The following PRKN variants were observed in gnomAD, a reference collection of about 807,000 sequenced individuals.
PRKN encodes the protein E3 ubiquitin-protein ligase parkin.
PRKN carries 56 observed loss-of-function variants against 59.5 expected under a neutral mutation model. The observed-to-expected ratio is 0.94, with a 90% CI of 0.76 to 1.18. PRKN has a LOEUF of 1.18. Ranked by LOEUF, PRKN falls within the 50% of genes most tolerant of loss-of-function variation. The pLI is 0.00. For synonymous variants in PRKN, 250 were observed against 222.1 expected (o/e 1.13, Z -1.12); for missense variants, 657 against 596.4 (o/e 1.10, Z -1.06).
intron 1 of PRKN, among the ~76,000 whole-genome samples, chr6:162,462,223 T>C (rs1043594275): frequency 5.3e-5 from 8 of 152,200 alleles, no homozygotes; most frequent in Admixed American, 2.0e-4. Flanking sequence ...AAAAATATCC[T>C]GGCTATCACA....
intron 2 of PRKN, among the ~76,000 whole-genome samples, chr6:162,325,972 T>C (rs1783254433): frequency 6.6e-6 from 1 of 152,114 alleles, no homozygotes; most frequent in Non-Finnish European, 1.5e-5. Flanking sequence ...GCACACATAA[T>C]AGCCAATCAG....
chr6:162,018,950 A>G (rs2128274289), intron 5 of PRKN, among the ~76,000 whole-genome samples: 1 of 152,322 alleles, frequency 6.6e-6, no homozygotes, highest in African/African-American at 2.4e-5. Context: ...ATATCACATC[A>G]TTCTTTGCCT....
chr6:161,789,972 G>A (rs1790574819), intron 6 of PRKN, among the ~76,000 whole-genome samples: 1 of 152,096 alleles, frequency 6.6e-6, no homozygotes, highest in Non-Finnish European at 1.5e-5. Flanking sequence ...AAATGCATGT[G>A]GACTACAGCA....
chr6:161,943,594 C>G (rs1779645928), intron 6 of PRKN, among the ~76,000 whole-genome samples: 1 of 152,190 alleles, frequency 6.6e-6, no homozygotes, highest in Non-Finnish European at 1.5e-5. Flanking sequence ...TTTGCATTTT[C>G]CCAGCAGCCT....
intron 7 of PRKN, among the ~76,000 whole-genome samples, chr6:161,721,054 G>T (rs1469629857): frequency 6.6e-6 from 1 of 152,200 alleles, no homozygotes; most frequent in Non-Finnish European, 1.5e-5. Flanking sequence ...ATATGAATAA[G>T]ATGAAGGTGC....
chr6:162,679,109 T>TATTTATTTATGA (rs780065550), intron 1 of PRKN, among the ~76,000 whole-genome samples: 58 of 148,518 alleles, frequency 3.9e-4, no homozygotes, highest in East Asian at 1.2e-3. Context: ...TTTATTTATT[T>TATTTATTTATGA]ATGAATGAAT....
chr6:162,360,519 C>T (rs574014145), intron 2 of PRKN, among the ~76,000 whole-genome samples: 2 of 152,236 alleles, frequency 1.3e-5, no homozygotes, highest in East Asian at 3.9e-4. Flanking sequence ...ACTCTCGATA[C>T]AGTCAGACAT....
chr6:161,506,888 C>A (rs1375430781), intron 9 of PRKN, among the ~76,000 whole-genome samples: 10 of 152,198 alleles, frequency 6.6e-5, no homozygotes, highest in African/African-American at 2.4e-4. Flanking sequence ...GAGACATTAA[C>A]AAACTGTAAC....
intron 7 of PRKN, among the ~76,000 whole-genome samples, chr6:161,770,905 C>T (rs941694274): frequency 2.6e-5 from 4 of 152,096 alleles, no homozygotes; most frequent in Admixed American, 1.3e-4. Context: ...ACAGGCAGGA[C>T]GATATCTACC....
At chr6:162,156,477 C>A (rs1245571831) in intron 4 of PRKN, among the ~76,000 whole-genome samples, 1 of 152,110 alleles carries the variant, frequency 6.6e-6, no homozygotes, top group Admixed American at 6.5e-5. Context: ...GAGCCCCTGG[C>A]AAATCACAGA....
chr6:161,694,002 G>A (rs1192963512), intron 7 of PRKN, among the ~76,000 whole-genome samples: 1 of 152,136 alleles, frequency 6.6e-6, no homozygotes, highest in East Asian at 1.9e-4. Flanking sequence ...ATCCTCAAAA[G>A]ACAGAAAGGA....
chr6:161,852,123 G>T (rs1288553969), intron 6 of PRKN, among the ~76,000 whole-genome samples: 1 of 150,314 alleles, frequency 6.7e-6, no homozygotes, highest in Non-Finnish European at 1.5e-5. Flanking sequence ...CTGTGAGGAA[G>T]ATGATAGCCA....
intron 4 of PRKN, among the ~76,000 whole-genome samples, chr6:162,120,430 C>A (rs1469390867): frequency 6.6e-6 from 1 of 152,166 alleles, no homozygotes; most frequent in Non-Finnish European, 1.5e-5. Flanking sequence ...AGGACTTTCA[C>A]CTAATAGGAC....
chr6:162,550,162 GATAATA>G (rs756302961), intron 1 of PRKN, among the ~76,000 whole-genome samples: 2 of 152,162 alleles, frequency 1.3e-5, no homozygotes, highest in African/African-American at 4.8e-5. Context: ...AAGTAAGAAT[GATAATA>G]ATAATGAGTA....
intron 1 of PRKN, among the ~76,000 whole-genome samples, chr6:162,626,065 AC>A (rs1329005165): frequency 6.6e-6 from 1 of 152,188 alleles, no homozygotes; most frequent in African/African-American, 2.4e-5. Context: ...GCTGCCAAAT[AC>A]AATAGGTATC....
intron 6 of PRKN, among the ~76,000 whole-genome samples, chr6:161,874,246 TAA>T (rs1794529617): frequency 1.3e-4 from 2 of 15,020 alleles, no homozygotes; most frequent in African/African-American, 1.8e-4. Context: ...ATATAATATA[TAA>T]TATATATTAT....
At chr6:162,350,848 C>G (rs1308940929) in intron 2 of PRKN, among the ~76,000 whole-genome samples, 1 of 151,984 alleles carries the variant, frequency 6.6e-6, no homozygotes, top group Non-Finnish European at 1.5e-5. Flanking sequence ...AGACTTTCTG[C>G]TTGTGAAATA....
chr6:161,987,031 G>T (rs1206968749), intron 5 of PRKN, among the ~76,000 whole-genome samples: 1 of 152,144 alleles, frequency 6.6e-6, no homozygotes, highest in Non-Finnish European at 1.5e-5. Context: ...TTAGCAAGTA[G>T]AATTTAAAGC....
chr6:162,009,776 A>C (rs1782412546), intron 5 of PRKN, among the ~76,000 whole-genome samples: 1 of 151,608 alleles, frequency 6.6e-6, no homozygotes, highest in Admixed American at 6.6e-5. Context: ...TCTCTACTAA[A>C]AATACAAAAA....
Sources: gnomAD v4.1 joint callset for allele counts (sites outside exome capture counted in the v4.1 genomes callset) on GRCh38, gnomAD v4.1.1 for gene constraint, MANE v1.5 for transcripts, NCBI Gene and HGNC (gene_info 2026-07-23, HGNC 2026-07-21) for gene names.